HNRNPA0: variants seen among roughly 807,000 people sequenced by gnomAD.
HNRNPA0 encodes the protein heterogeneous nuclear ribonucleoprotein A0.
For missense variants in HNRNPA0, 252 were observed against 433.7 expected, an observed-to-expected ratio of 0.58 and a Z score of 3.72; for synonymous variants, 243 against 195.5, an observed-to-expected ratio of 1.24 and a Z score of -2.03.
rs1283362511 is a variant in HNRNPA0, at chr5:137,751,412, A to G, written c.*1737T>C. 6.6e-6 allele frequency: 1 copy of G among 150,990 alleles called. No homozygotes were observed. Among genetic ancestry groups the G allele is most frequent in the Non-Finnish European group, 1.5e-5 (1 of 67,846 alleles). The allele number at this position is 150,990 out of a possible 1,614,324, so 9.4% of individuals were successfully genotyped here. A position where few individuals can be genotyped will look rare whatever the true frequency, so the allele number is the denominator to read the frequency against. On this transcript the variant is annotated 3_prime_UTR_variant, in exon 1 of 1. Transcript: ENST00000314940. ...AATATTAAAATATTATTTTATTTTA[A>G]AGCCCAATCTTTCAGAAAGCTTCTT...
In HNRNPA0 at chr5:137,753,622, G is replaced by A. The variant is rs747597583; in HGVS notation, c.445C>T (p.His149Tyr). 20 of 1,614,050 alleles carry A rather than the reference G, an allele frequency of 1.2e-5. No individual in the cohort carries two copies. Among genetic ancestry groups the A allele is most frequent in the Non-Finnish European group, 1.6e-5 (19 of 1,180,052 alleles). The change falls in exon 1 of 1, where the codon CAC becomes TAC. Residue 149 changes from histidine (H) to tyrosine (Y), a missense_variant. Transcript: ENST00000314940. This position sits in a 1 kb window ranked among gnomAD's most constrained non-coding sequence, Gnocchi z 6.1. The part of the protein sequence containing the change: ...RGFGFVYFQN[H>Y]DAADKAAVVK... ...ACCGCGGCCTTGTCTGCCGCGTCGTGATTCTGGAAATACACGAAGCCGAAT... is the reference window on the plus strand; with the variant it reads ...ACCGCGGCCTTGTCTGCCGCGTCGTAATTCTGGAAATACACGAAGCCGAAT...
At position 137,747,857 on chromosome 5, in the gene HNRNPA0, T is replaced by C. The variant is rs1753432767; in HGVS notation, c.*5292A>G. The C allele has an allele frequency of 6.6e-6, 1 of 152,216 alleles. No individual in the cohort carries two copies. The highest frequency in any genetic ancestry group is 1.5e-5 in the Non-Finnish European group (1 of 68,022). 9.4% of individuals were successfully genotyped at this position (152,216 alleles called of 1,614,324 possible). ...CCTGGTTCCAACTTCATTTTCTCAA[T>C]TTATTTCTCACAACTCTCTTTTATC... On this transcript the variant is annotated 3_prime_UTR_variant, in exon 1 of 1. Transcript: ENST00000314940.
At position 137,749,765 on chromosome 5, in the gene HNRNPA0, G is replaced by A. The variant is rs1028712162; in HGVS notation, c.*3384C>T. On this transcript the variant is annotated 3_prime_UTR_variant, in exon 1 of 1. Transcript: ENST00000314940. ...AAATGCCTATCTGCAATCAGCAGAC[G>A]CGGGCAGACAAAATTTAACCTAAAA... 6.6e-6 allele frequency: 1 copy of A among 152,088 alleles called. No individual in the cohort carries two copies. The highest frequency in any genetic ancestry group is 2.4e-5 in the African/African-American group (1 of 41,412). The allele number at this position is 152,088 out of a possible 1,614,324, so 9.4% of individuals were successfully genotyped here.
Position 137,750,512 on chromosome 5 carries a change from C to T in HNRNPA0, c.*2637G>A, listed in dbSNP as rs1207326972. ...TCAAGCATGGCACAAAAATTATATT[C>T]AACACTAGGTTCTGTACCACCTGCT... is the stretch of plus-strand genomic sequence containing the variant. On this transcript the variant is annotated 3_prime_UTR_variant, in exon 1 of 1. Coordinates refer to ENST00000314940, the MANE Select transcript of HNRNPA0 (RefSeq NM_006805.4). 6.6e-6 allele frequency: 1 copy of T among 152,116 alleles called. No homozygotes were observed. Among genetic ancestry groups the T allele is most frequent in the East Asian group, 1.9e-4 (1 of 5,190 alleles). The allele number at this position is 152,116 out of a possible 1,614,324, so 9.4% of individuals were successfully genotyped here.
In HNRNPA0 at chr5:137,750,800, C is replaced by T. The variant is rs1330413955; in HGVS notation, c.*2349G>A. 2.0e-5 allele frequency: 3 copies of T among 152,118 alleles called. No individual in the cohort carries two copies. Among genetic ancestry groups the T allele is most frequent in the Admixed American group, 2.0e-4 (3 of 15,274 alleles). The allele number at this position is 152,118 out of a possible 1,614,324, so 9.4% of individuals were successfully genotyped here. On this transcript the variant is annotated 3_prime_UTR_variant, in exon 1 of 1. Transcript: ENST00000314940. Reference sequence around the variant, plus strand: ...TTGCCTTCCTAATACACAGAAAATCCTTTTACATAATTCATTTGCAAACTT... The same window carrying T: ...TTGCCTTCCTAATACACAGAAAATCTTTTTACATAATTCATTTGCAAACTT...
At position 137,753,334 on chromosome 5, in the gene HNRNPA0, C is replaced by T. The variant is rs1753541743; in HGVS notation, c.733G>A (p.Gly245Arg). 2 of 1,557,042 alleles carry T rather than the reference C, an allele frequency of 1.3e-6. No individual in the cohort carries two copies. Among genetic ancestry groups the T allele is most frequent in the African/African-American group, 1.4e-5 (1 of 73,080 alleles). Residue 245 changes from glycine (G) to arginine (R), a missense_variant, in exon 1 of 1, where the codon GGG (glycine) becomes AGG (arginine). By Grantham distance (125) the Gly-to-Arg change is moderately radical (BLOSUM62 -2). Transcript: ENST00000314940. This position sits in a 1 kb window ranked among gnomAD's most constrained non-coding sequence, Gnocchi z 6.1. ...CCGAAGCCGTTACCGTAGTCGCTCC[C>T]ACCGTAGGACGAACCGCCGCCGCCG... Reference protein sequence around the residue: ...GGGGGGSSYGGSDYGNGFGGF... With the variant: ...GGGGGGSSYGRSDYGNGFGGF...
Position 137,754,241 on chromosome 5 carries a change from A to G in HNRNPA0, c.-175T>C, listed in dbSNP as rs1235819436. On this transcript the variant is annotated 5_prime_UTR_variant, in exon 1 of 1. Coordinates refer to ENST00000314940, the MANE Select transcript of HNRNPA0 (RefSeq NM_006805.4). ...GGGGAGGGAAGGAAGGAAGAGAGGA[A>G]GGGGGAGGGAAGGGGAGCGGTGCCG... is the stretch of plus-strand genomic sequence containing the variant. 1 of 759,240 alleles carries G rather than the reference A, an allele frequency of 1.3e-6. No homozygotes were observed. Among genetic ancestry groups the G allele is most frequent in the Non-Finnish European group, 2.1e-6 (1 of 486,010 alleles). The allele number at this position is 759,240 out of a possible 1,614,324, so 47.0% of individuals were successfully genotyped here. A position where few individuals can be genotyped will look rare whatever the true frequency, so the allele number is the denominator to read the frequency against.
Position 137,753,995 on chromosome 5 carries a change from G to C in HNRNPA0, c.72C>G (p.Arg24=). Residue 24 remains arginine (R), a synonymous_variant, in exon 1 of 1, where the codon CGC becomes CGG. Coordinates refer to ENST00000314940, the MANE Select transcript of HNRNPA0 (RefSeq NM_006805.4). This position sits in a 1 kb window ranked among gnomAD's most constrained non-coding sequence, Gnocchi z 6.1. ...LNVQTSESGL[R]GHFEAFGTLT... is the part of the protein sequence containing the mutation. ...GAGTCCCAAAGGCCTCAAAGTGGCC[G>C]CGCAGGCCCGACTCACTCGTCTGCA... The C allele has an allele frequency of 6.2e-7, 1 of 1,614,102 alleles. No individual in the cohort carries two copies. The highest frequency in any genetic ancestry group is 8.5e-7 in the Non-Finnish European group (1 of 1,180,028).
chr5:137,753,181 C>T lies in HNRNPA0; in HGVS notation c.886G>A (p.Gly296Ser), dbSNP rs887269525. 1.9e-6 allele frequency: 3 copies of T among 1,613,338 alleles called. No individual in the cohort carries two copies. The highest frequency in any genetic ancestry group is 2.5e-6 in the Non-Finnish European group (3 of 1,179,850). Reference protein sequence around the residue: ...NSGPYRGGYGGGGGYGGSSF With the variant: ...NSGPYRGGYGSGGGYGGSSF ...GAGCTGCCTCCATAGCCACCCCCAC[C>T]GCCATAGCCGCCTCTGTAAGGTCCA... is the stretch of plus-strand genomic sequence containing the variant. The change falls in exon 1 of 1, where the codon GGT (glycine) becomes AGT (serine). Residue 296 changes from glycine to serine, a missense_variant. Transcript: ENST00000314940. The surrounding 1 kb of genome is among the most constrained non-coding windows in gnomAD (Gnocchi z 6.1).
rs957661060 is a variant in HNRNPA0, at chr5:137,752,931, T to A, written c.*218A>T. On this transcript the variant is annotated 3_prime_UTR_variant, in exon 1 of 1. Transcript: ENST00000314940. ...CATCAATGACTGTAACACAAAAATGTGTATGTGGGGCCGAGTCCATCTTCA... is the reference window on the plus strand; with the variant it reads ...CATCAATGACTGTAACACAAAAATGAGTATGTGGGGCCGAGTCCATCTTCA... The A allele has an allele frequency of 2.0e-6, 1 of 498,290 alleles. No homozygotes were observed. The highest frequency in any genetic ancestry group is 3.5e-5 in the Admixed American group (1 of 28,912). 30.9% of individuals were successfully genotyped at this position (498,290 alleles called of 1,614,324 possible).
rs540946189 is a variant in HNRNPA0, at chr5:137,749,797, C to T, written c.*3352G>A. The T allele has an allele frequency of 6.6e-6, 1 of 152,272 alleles. No homozygotes were observed. Among genetic ancestry groups the T allele is most frequent in the South Asian group, 2.1e-4 (1 of 4,830 alleles). The allele number at this position is 152,272 out of a possible 1,614,324, so 9.4% of individuals were successfully genotyped here. A position where few individuals can be genotyped will look rare whatever the true frequency, so the allele number is the denominator to read the frequency against. On this transcript the variant is annotated 3_prime_UTR_variant, in exon 1 of 1. Coordinates refer to ENST00000314940, the MANE Select transcript of HNRNPA0 (RefSeq NM_006805.4). ...GACAAAATTTAACCTAAAATGCAAA[C>T]TCTCAAAACTTAAGCACACTTAAAA...
rs1489424398 is a variant in HNRNPA0 at position 137,749,641 on chromosome 5, G to C, written c.*3508C>G. On this transcript the variant is annotated 3_prime_UTR_variant, in exon 1 of 1. Transcript: ENST00000314940. ...CACTCTTAAAGTGATTCAATAAATT[G>C]GTTACGATGGAGAAAGACACTTAGC... The C allele has an allele frequency of 6.6e-6, 1 of 152,120 alleles. No individual in the cohort carries two copies. Among genetic ancestry groups the C allele is most frequent in the East Asian group, 1.9e-4 (1 of 5,198 alleles). 9.4% of individuals were successfully genotyped at this position (152,120 alleles called of 1,614,324 possible). A position where few individuals can be genotyped will look rare whatever the true frequency, so the allele number is the denominator to read the frequency against.
Position 137,754,097 on chromosome 5 carries a change from C to A in HNRNPA0, c.-31G>T, listed in dbSNP as rs971333483. 3 of 1,577,260 alleles carry A rather than the reference C, an allele frequency of 1.9e-6. No homozygotes were observed. Among genetic ancestry groups the A allele is most frequent in the Admixed American group, 3.6e-5 (2 of 55,612 alleles). ...AGGCCCGGGCCTTGCCCCCGCCCTG[C>A]GAGCTCCGAGGTTTCGCCGTCGCCG... On this transcript the variant is annotated 5_prime_UTR_variant, in exon 1 of 1. Transcript: ENST00000314940.
Position 137,753,084 on chromosome 5 carries a change from G to A in HNRNPA0, c.*65C>T. 1 of 1,501,186 alleles carries A rather than the reference G, an allele frequency of 6.7e-7. No homozygotes were observed. The highest frequency in any genetic ancestry group is 9.0e-7 in the Non-Finnish European group (1 of 1,105,536). 93.0% of individuals were successfully genotyped at this position (1,501,186 alleles called of 1,614,324 possible). On this transcript the variant is annotated 3_prime_UTR_variant, in exon 1 of 1. Transcript: ENST00000314940. The surrounding 1 kb of genome is among the most constrained non-coding windows in gnomAD (Gnocchi z 6.1). The stretch of plus-strand genomic sequence containing the variant: ...TGTGAGGGGGTGGGGCTTAGGAGTT[G>A]ACCCCACTTGGGCTGTTGGAAAGAG...
In HNRNPA0 at chr5:137,749,551, A is replaced by AG. The variant is rs1353924103; in HGVS notation, c.*3597dup. 2.6e-5 allele frequency: 4 copies of AG among 152,330 alleles called. No homozygotes were observed. Among genetic ancestry groups the AG allele is most frequent in the Admixed American group, 1.3e-4 (2 of 15,304 alleles). The allele number at this position is 152,330 out of a possible 1,614,324, so 9.4% of individuals were successfully genotyped here. A position where few individuals can be genotyped will look rare whatever the true frequency, so the allele number is the denominator to read the frequency against. ...AGGACAGCTAAGGAGTTATTTGACT[A>AG]GGCAGTCTTTGTTGCTGTTTCAAAA... On this transcript the variant is annotated 3_prime_UTR_variant, in exon 1 of 1. Coordinates refer to ENST00000314940, the MANE Select transcript of HNRNPA0 (RefSeq NM_006805.4).
In HNRNPA0 at chr5:137,747,890, A is replaced by G. The variant is rs1012639545; in HGVS notation, c.*5259T>C. ...TCACAACTCTCTTTTATCTTAGTACAAATTAGACATTTGTTAGCTGGAAGT... is the reference window on the plus strand; with the variant it reads ...TCACAACTCTCTTTTATCTTAGTACGAATTAGACATTTGTTAGCTGGAAGT... On this transcript the variant is annotated 3_prime_UTR_variant, in exon 1 of 1. Transcript: ENST00000314940. 2 of 152,198 alleles carry G rather than the reference A, an allele frequency of 1.3e-5. No homozygotes were observed. The highest frequency in any genetic ancestry group is 1.3e-4 in the Admixed American group (2 of 15,280). 9.4% of individuals were successfully genotyped at this position (152,198 alleles called of 1,614,324 possible). A position where few individuals can be genotyped will look rare whatever the true frequency, so the allele number is the denominator to read the frequency against.
Position 137,749,461 on chromosome 5 carries a change from A to G in HNRNPA0, c.*3688T>C, listed in dbSNP as rs1416468164. 6.6e-6 allele frequency: 1 copy of G among 152,186 alleles called. No individual in the cohort carries two copies. Among genetic ancestry groups the G allele is most frequent in the Non-Finnish European group, 1.5e-5 (1 of 68,010 alleles). The allele number at this position is 152,186 out of a possible 1,614,324, so 9.4% of individuals were successfully genotyped here. On this transcript the variant is annotated 3_prime_UTR_variant, in exon 1 of 1. Transcript: ENST00000314940. ...AGCAGCTTTCAAATATCTTTTTATA[A>G]TAAATGTTTTACCTTGTAACATTTA...
chr5:137,753,366 T>G lies in HNRNPA0; in HGVS notation c.701A>C (p.Tyr234Ser). The G allele has an allele frequency of 6.5e-7, 1 of 1,546,530 alleles. No homozygotes were observed. The highest frequency in any genetic ancestry group is 8.7e-7 in the Non-Finnish European group (1 of 1,145,750). The change falls in exon 1 of 1, where the codon TAC becomes TCC. Residue 234 changes from tyrosine (Y) to serine (S), a missense_variant. Coordinates refer to ENST00000314940, the MANE Select transcript of HNRNPA0 (RefSeq NM_006805.4). The surrounding 1 kb of genome is among the most constrained non-coding windows in gnomAD (Gnocchi z 6.1). ...GGACGAACCGCCGCCGCCGCCTCCG[T>G]AGGCATTGTAGCCGCCGCCTCCGCC... The part of the protein sequence containing the change: ...GGGGGGGYNA[Y>S]GGGGGGSSYG...
rs1331308946 is a variant in HNRNPA0, at chr5:137,751,804, T to C, written c.*1345A>G. Reference sequence around the variant, plus strand: ...CCAGTATACGTAGCTGGTTCATTAGTTGTCATAGCAATTTAGGGCTATTGC... The same window carrying C: ...CCAGTATACGTAGCTGGTTCATTAGCTGTCATAGCAATTTAGGGCTATTGC... On this transcript the variant is annotated 3_prime_UTR_variant, in exon 1 of 1. Transcript: ENST00000314940. 1.3e-5 allele frequency: 2 copies of C among 152,662 alleles called. No individual in the cohort carries two copies. Among genetic ancestry groups the C allele is most frequent in the Admixed American group, 6.5e-5 (1 of 15,290 alleles). 9.5% of individuals were successfully genotyped at this position (152,662 alleles called of 1,614,324 possible).
Sources: gnomAD v4.1 joint callset for allele counts on GRCh38, gnomAD v4.1.1 for gene constraint, Gnocchi (gnomAD v3.1) non-coding constraint, MANE v1.5 for transcripts, NCBI Gene and HGNC (gene_info 2026-07-23, HGNC 2026-07-21) for gene names.